The following SPAG4 variants were observed in gnomAD, a reference collection of about 807,000 sequenced individuals.
The protein encoded by SPAG4 is sperm associated antigen 4, also known as sperm-associated antigen 4 protein.
SPAG4 carries 54 observed loss-of-function variants against 53.9 expected under a neutral mutation model. The ratio of observed to expected loss-of-function variants is 1.00; its 90% CI spans 0.80 to 1.26. SPAG4 has a LOEUF of 1.26. SPAG4 is among the 50% of genes most tolerant of loss of function. SPAG4 has a pLI of 0.00. For synonymous variants in SPAG4, 246 were observed against 237.4 expected (o/e 1.04, Z -0.33); for missense variants, 548 against 568.6 (o/e 0.96, Z 0.37).
chr20:35,618,313 G>A lies in SPAG4; in HGVS notation c.583-137G>A, dbSNP rs962023893. ...TGCTTGAGGGTCTCTTGGGGGCTCT[G>A]ATACTGGGAGGTCAAGGAGGAGTCG... On this transcript the variant is annotated intron_variant, in intron 5 of 11. Transcript: ENST00000374273. 1.6e-4 allele frequency: 192 copies of A among 1,180,202 alleles called. 1 individual carries two copies. The East Asian group carries it at 4.4e-3, about 27-fold the overall frequency. 73.1% of individuals were successfully genotyped at this position (1,180,202 alleles called of 1,614,324 possible).
Position 35,618,643 on chromosome 20 carries a change from C to T in SPAG4, c.640C>T (p.Gln214Ter). ...CCACGAGCGCGTGCGCTCCCAGGGG[C>T]AGCAGCTGCAGCAGCTCCAGGCCGA... is the stretch of plus-strand genomic sequence containing the variant. ...EYHERVRSQGQQLQQLQAELD... is the reference protein window; with the variant it reads ...EYHERVRSQG Residue 214 changes from glutamine to a stop codon, truncating the protein, a stop_gained, in exon 7 of 12, where the codon CAG becomes TAG. Coordinates refer to ENST00000374273, the MANE Select transcript of SPAG4 (RefSeq NM_003116.3). LOFTEE classifies it high-confidence loss of function. 2 of 1,597,820 alleles carry T rather than the reference C, an allele frequency of 1.3e-6. No homozygotes were observed.
rs1410237908 is a variant in SPAG4 at position 35,620,958 on chromosome 20, G to A, written c.1250G>A (p.Arg417Gln). 3.1e-6 allele frequency: 5 copies of A among 1,614,138 alleles called. No homozygotes were observed. Among genetic ancestry groups the A allele is most frequent in the African/African-American group, 1.3e-5 (1 of 75,030 alleles). ...WGHPRFTCLY[R>Q]VRAHGVRTSE... ...CACCCCCGTTTCACGTGCTTGTATCGAGTCCGTGCCCACGGTGTGCGAACC... is the reference window on the plus strand; with the variant it reads ...CACCCCCGTTTCACGTGCTTGTATCAAGTCCGTGCCCACGGTGTGCGAACC... Residue 417 changes from arginine (R) to glutamine (Q), a missense_variant, in exon 12 of 12, where the codon CGA (arginine) becomes CAA (glutamine). Transcript: ENST00000374273.
intron 10 of SPAG4, 90 bp from the exon 11 acceptor site, chr20:35,620,594 C>T (rs2425067): frequency 0.92 from 557,648 of 603,368 alleles, 259,283 homozygotes; most frequent in East Asian, 1. Context: ...ATTGAATACA[C>T]AGAAGATCCT....
chr20:35,616,554 T>A (rs948540955), intron 1 of SPAG4: 4 of 206,516 alleles, frequency 1.9e-5, no homozygotes, highest in Non-Finnish European at 3.3e-5. Flanking sequence ...AATGTTAGCG[T>A]GAGTGGCTCC....
chr20:35,616,948 G>C (rs1176112515), intron 1 of SPAG4, 188 bp from the exon 2 acceptor site: 1 of 587,130 alleles, frequency 1.7e-6, no homozygotes, highest in Non-Finnish European at 3.0e-6. Flanking sequence ...AACTCTTGAC[G>C]GAGCCTCCCT....
chr20:35,619,023 C>G, intron 8 of SPAG4, 25 bp downstream of exon 8: 2 of 1,597,972 alleles, frequency 1.3e-6, no homozygotes, highest in Non-Finnish European at 1.7e-6. Flanking sequence ...CACTGGAAGA[C>G]AGAGACGCAG....
chr20:35,615,952 G>C lies in SPAG4; in HGVS notation c.-52G>C, dbSNP rs1207274578. ...CGGCTGAAGGAGGCCCCAGGGCCTT[G>C]GCGACCGCAGCGGCGGCTTTAGCGT... On this transcript the variant is annotated 5_prime_UTR_variant, in exon 1 of 12. Coordinates refer to ENST00000374273, the MANE Select transcript of SPAG4 (RefSeq NM_003116.3). 2 of 1,586,134 alleles carry C rather than the reference G, an allele frequency of 1.3e-6. No homozygotes were observed.
chr20:35,617,629 A>AG, intron 3 of SPAG4, 43 bp downstream of exon 3: 1 of 1,598,984 alleles, frequency 6.3e-7, no homozygotes, highest in Non-Finnish European at 8.6e-7. Context: ...AGCTCTTTGG[A>AG]GGGGGTGGGG....
At chr20:35,619,494 G>C in intron 9 of SPAG4, 85 bp from the exon 10 acceptor site, 3 of 1,555,760 alleles carry the variant, frequency 1.9e-6, no homozygotes, top group Non-Finnish European at 2.6e-6. Context: ...CGGGTCGATG[G>C]ATGGGGTCGA....
Position 35,619,687 on chromosome 20 carries a change from C to T in SPAG4, c.1018C>T (p.Pro340Ser), listed in dbSNP as rs765589433. 20 of 1,613,798 alleles carry T rather than the reference C, an allele frequency of 1.2e-5. No individual in the cohort carries two copies. The highest frequency in any genetic ancestry group is 3.3e-5 in the Admixed American group (2 of 60,010). Residue 340 changes from proline to serine, a missense_variant, in exon 10 of 12, where the codon CCG (proline) becomes TCG (serine). By Grantham distance (74) the Pro-to-Ser change is moderately conservative. Transcript: ENST00000374273. ...QLSDITLQHP[P>S]PSVEHTGGAN... The stretch of plus-strand genomic sequence containing the variant: ...GAGCGACATCACTCTGCAGCATCCA[C>T]CGCCCAGCGTGGAGCACACCGGAGG...
intron 5 of SPAG4, 58 bp from the exon 6 acceptor site, chr20:35,618,392 G>A: frequency 6.2e-7 from 1 of 1,609,628 alleles, no homozygotes; most frequent in Non-Finnish European, 8.5e-7. Flanking sequence ...CCAGGCTGAG[G>A]TAGGAGCAAG....
chr20:35,616,537 C>A (rs1365390797), intron 1 of SPAG4: 7 of 271,636 alleles, frequency 2.6e-5, no homozygotes, highest in Non-Finnish European at 3.9e-5. Flanking sequence ...TGAGGGGGCG[C>A]GGCCTCAATG....
intron 11 of SPAG4, 49 bp downstream of exon 11, chr20:35,620,822 GATGA>G: frequency 6.2e-7 from 1 of 1,612,958 alleles, no homozygotes; most frequent in Non-Finnish European, 8.5e-7. Context: ...GGCAGTGAGG[GATGA>G]ATGATCCAGG....
chr20:35,618,984 C>G lies in SPAG4; in HGVS notation c.779C>G (p.Ala260Gly), dbSNP rs2031481781. 1 of 1,613,986 alleles carries G rather than the reference C, an allele frequency of 6.2e-7. No homozygotes were observed. Among genetic ancestry groups the G allele is most frequent in the Non-Finnish European group, 8.5e-7 (1 of 1,179,818 alleles). The change falls in exon 8 of 12, where the codon GCT (alanine) becomes GGT (glycine). Residue 260 changes from alanine to glycine, a missense_variant. By Grantham distance (60) the Ala-to-Gly change is moderately conservative. Transcript: ENST00000374273. ...GATTTTGTGCGGAAGCCCGACTATG[C>G]TTTGAGCTCTGTGGGTAAGACCCGG... ...NEDFVRKPDYALSSVGASIDL... is the reference protein window; with the variant it reads ...NEDFVRKPDYGLSSVGASIDL...
At chr20:35,616,884 C>T in intron 1 of SPAG4, 1 of 507,168 alleles carries the variant, frequency 2.0e-6, no homozygotes, top group South Asian at 2.5e-5. Context: ...CCCGCCTCGG[C>T]CTCCCAAATC....
At chr20:35,617,419 C>T (rs1417628623) in intron 2 of SPAG4, 101 bp from the exon 3 acceptor site, 1 of 1,125,134 alleles carries the variant, frequency 8.9e-7, no homozygotes, top group African/African-American at 1.6e-5. Context: ...CAGGCCCACC[C>T]CCGGCCCCTC....
Position 35,619,739 on chromosome 20 carries a change from CG to C in SPAG4, c.1072del (p.Val358SerfsTer42). 3 of 1,609,750 alleles carry C rather than the reference CG, an allele frequency of 1.9e-6. No individual in the cohort carries two copies. Among genetic ancestry groups the C allele is most frequent in the Non-Finnish European group, 2.5e-6 (3 of 1,177,088 alleles). ...GCCAACAGCGCCCCCCGCGATTTCGCGGTCTTTGTGAGTGCGGACGAGGTCA... is the reference window on the plus strand; with the variant it reads ...GCCAACAGCGCCCCCCGCGATTTCGCGTCTTTGTGAGTGCGGACGAGGTCA... Reference protein sequence around the residue: ...GGANSAPRDFAVFGLQVYDET... With the variant: ...GGANSAPRDFXVFGLQVYDET... On this transcript the variant is annotated frameshift_variant, in exon 10 of 12. Transcript: ENST00000374273. LOFTEE classifies it high-confidence loss of function.
rs1347346305 is a variant in SPAG4, at chr20:35,620,749, G to A, written c.1143G>A (p.Ser381=). The stretch of plus-strand genomic sequence containing the variant: ...AATTCACCTTCGATGTTGAGAAATC[G>A]GAGATTCAGACTTTCCACCTGCAGG... The part of the protein sequence containing the change: ...LGKFTFDVEK[S]EIQTFHLQND... Residue 381 remains serine (S), a synonymous_variant, in exon 11 of 12, where the codon TCG becomes TCA. Transcript: ENST00000374273. 10 of 1,607,530 alleles carry A rather than the reference G, an allele frequency of 6.2e-6. No individual in the cohort carries two copies. In the African/African-American group the frequency reaches 6.7e-5, roughly 11 times the overall value.
At position 35,617,520 on chromosome 20, in the gene SPAG4, G is replaced by T. The variant is rs1459106870; in HGVS notation, c.410G>T (p.Ser137Ile). 1 of 1,590,176 alleles carries T rather than the reference G, an allele frequency of 6.3e-7. No individual in the cohort carries two copies. Among genetic ancestry groups the T allele is most frequent in the South Asian group, 1.1e-5 (1 of 87,806 alleles). Reference sequence around the variant, plus strand: ...CTCTGACCCTCTGTCCTGGCCTCAGGCCTGCTCTTCCAGGGGCTGAGCGTG... The same window carrying T: ...CTCTGACCCTCTGTCCTGGCCTCAGTCCTGCTCTTCCAGGGGCTGAGCGTG... ...PPPRVFKSFL[S>I]LLFQGLSVLL... Residue 137 changes from serine to isoleucine, a missense_variant and splice_region_variant, in exon 3 of 12, where the codon AGC (serine) becomes ATC (isoleucine). Physicochemically the swap from Ser to Ile is moderately radical, Grantham distance 142. Transcript: ENST00000374273.
Sources: gnomAD v4.1 joint callset for allele counts on GRCh38, gnomAD v4.1.1 for gene constraint, MANE v1.5 for transcripts, NCBI Gene and HGNC (gene_info 2026-07-23, HGNC 2026-07-21) for gene names.